Variants in EPHA10 observed in about 807,000 individuals in gnomAD.
EPHA10 encodes EPH receptor A10.
In EPHA10, 120 loss-of-function variants were observed where a neutral mutation model predicts 109.7. The observed-to-expected ratio is 1.09, with a 90% confidence interval of 0.94 to 1.27. The LOEUF (loss-of-function observed/expected upper bound fraction) is 1.27, where lower values mean the gene tolerates loss of function less well. EPHA10 is among the 50% of genes most tolerant of loss of function. The probability of loss-of-function intolerance (pLI) is 0.00; values close to 1 mark genes in which losing one functional copy is unlikely to be tolerated. For missense variants in EPHA10, 1,396 were observed against 1,411.1 expected, an observed-to-expected ratio of 0.99 and a Z score of 0.17; for synonymous variants, 640 against 618.9, an observed-to-expected ratio of 1.03 and a Z score of -0.51.
rs1646378736 is a variant in EPHA10 at position 37,754,685 on chromosome 1, G to A, written c.851-315C>T. On this transcript the variant is annotated intron_variant, in intron 3 of 16. Transcript: ENST00000373048. This position sits in a 1 kb window ranked among gnomAD's most constrained non-coding sequence, Gnocchi z 4.5. ...GAGCCCAGGAGTTGGAGACCAGCCTGGACAACATGGCCAAACCCCGTCTCT... is the reference window on the plus strand; with the variant it reads ...GAGCCCAGGAGTTGGAGACCAGCCTAGACAACATGGCCAAACCCCGTCTCT... Among the ~76,000 whole-genome samples, 1 of 152,140 alleles carries A rather than the reference G, an allele frequency of 6.6e-6. No homozygotes were observed. The highest frequency in any genetic ancestry group is 1.5e-5 in the Non-Finnish European group (1 of 68,030).
chr1:37,715,836 G>C (rs779988248), downstream of EPHA10: 2 of 507,924 alleles, frequency 3.9e-6, no homozygotes, highest in Non-Finnish European at 7.7e-6. Flanking sequence ...TTTCACGGCA[G>C]GAGCAGTGTT....
rs185384038 is a variant in EPHA10 at position 37,723,241 on chromosome 1, G to A, written c.1834+70C>T. 658 of 1,607,456 alleles carry A rather than the reference G, an allele frequency of 4.1e-4. 5 individuals are homozygous for A. The African/African-American group carries it at 7.3e-3, about 18-fold the overall frequency. On this transcript the variant is annotated intron_variant, in intron 9 of 16. Transcript: ENST00000373048. ...CTGACAAGCGGGCTCATGCAGTGTAGCAAGGCAGAGGGCTGAGGAGTGAGG... is the reference window on the plus strand; with the variant it reads ...CTGACAAGCGGGCTCATGCAGTGTAACAAGGCAGAGGGCTGAGGAGTGAGG...
chr1:37,720,086 G>A, intron 13 of EPHA10, 28 bp from the exon 14 acceptor site: 1 of 1,611,478 alleles, frequency 6.2e-7, no homozygotes, highest in Non-Finnish European at 8.5e-7. Context: ...TCAGGGGCAA[G>A]GAGGAACTGG....
rs1196872477 is a variant in EPHA10, at chr1:37,764,927, C to T, written c.106+34G>A. On this transcript the variant is annotated intron_variant, in intron 1 of 16. Transcript: ENST00000373048. This position sits in a 1 kb window ranked among gnomAD's most constrained non-coding sequence, Gnocchi z 5.8. Reference sequence around the variant, plus strand: ...CGCCAGCCCCCTATCTTTTGGTATGCCACGCTCCGAGCAGAGCTCACCAGT... The same window carrying T: ...CGCCAGCCCCCTATCTTTTGGTATGTCACGCTCCGAGCAGAGCTCACCAGT... 2.6e-6 allele frequency: 4 copies of T among 1,566,198 alleles called. No homozygotes were observed. The highest frequency in any genetic ancestry group is 3.5e-6 in the Non-Finnish European group (4 of 1,154,506).
chr1:37,752,074 C>G (rs2148363341), intron 5 of EPHA10, among the ~76,000 whole-genome samples: 1 of 152,188 alleles, frequency 6.6e-6, no homozygotes, highest in Middle Eastern at 3.4e-3. Flanking sequence ...GACAGGCCGA[C>G]CCTATAGGCT....
At chr1:37,726,352 T>C (rs1645891198) in intron 8 of EPHA10, among the ~76,000 whole-genome samples, 1 of 152,246 alleles carries the variant, frequency 6.6e-6, no homozygotes, top group Admixed American at 6.5e-5. Context: ...CAGTGCCTCA[T>C]TCAAGGCCAA....
chr1:37,728,073 T>A (rs1412730269), intron 7 of EPHA10, among the ~76,000 whole-genome samples: 4 of 151,930 alleles, frequency 2.6e-5, no homozygotes, highest in Admixed American at 2.0e-4. Flanking sequence ...CTAAAGCCAA[T>A]GAGGAAGGCT....
At position 37,765,027 on chromosome 1, in the gene EPHA10, G is replaced by A. The variant is rs139950312; in HGVS notation, c.40C>T (p.Leu14Phe). Reference sequence around the variant, plus strand: ...GCGAGACAGAGCTGCATCCGGCAGAGGAAGAGGCGCAGCGGGTGTGGACCG... The same window carrying A: ...GCGAGACAGAGCTGCATCCGGCAGAAGAAGAGGCGCAGCGGGTGTGGACCG... ...CAGPHPLRLF[L>F]CRMQLCLALL... Residue 14 changes from leucine to phenylalanine, a missense_variant, in exon 1 of 17, where the codon CTC becomes TTC. Transcript: ENST00000373048. 3.7e-6 allele frequency: 6 copies of A among 1,610,310 alleles called. No homozygotes were observed. The highest frequency in any genetic ancestry group is 1.3e-5 in the African/African-American group (1 of 75,050).
At position 37,735,278 on chromosome 1, in the gene EPHA10, G is replaced by T; in HGVS notation, c.1470C>A (p.Tyr490Ter). 6.4e-7 allele frequency: 1 copy of T among 1,564,654 alleles called. No individual in the cohort carries two copies. The highest frequency in any genetic ancestry group is 8.7e-7 in the Non-Finnish European group (1 of 1,154,644). The change falls in exon 6 of 17, where the codon TAC becomes TAA. Residue 490 changes from tyrosine to a stop codon, truncating the protein, a stop_gained. Coordinates refer to ENST00000373048, the MANE Select transcript of EPHA10 (RefSeq NM_001099439.2). LOFTEE classifies it high-confidence loss of function. Reference sequence around the variant, plus strand: ...TCACCTTCTCGTAGTATCGGATCTCGTACTCCGTGTCATTGGCCCCAGGGG... The same window carrying T: ...TCACCTTCTCGTAGTATCGGATCTCTTACTCCGTGTCATTGGCCCCAGGGG... ...AGAPGANDTEYEIRYYEKGQS... is the reference protein window; with the variant it reads ...AGAPGANDTE
Position 37,718,457 on chromosome 1 carries a change from G to T in EPHA10, c.2942C>A (p.Ala981Asp). 6.2e-7 allele frequency: 1 copy of T among 1,613,480 alleles called. No individual in the cohort carries two copies. Among genetic ancestry groups the T allele is most frequent in the Non-Finnish European group, 8.5e-7 (1 of 1,180,016 alleles). ...QDLVSLGISLAEHREALLSGI... is the reference protein window; with the variant it reads ...QDLVSLGISLDEHREALLSGI... ...GCTGAGGAGGGCCTCTCGATGTTCA[G>T]CCAAAGAGATGCCTAGGCTCACCAG... The change falls in exon 17 of 17, where the codon GCT (alanine) becomes GAT (aspartate). Residue 981 changes from alanine to aspartate, a missense_variant. Transcript: ENST00000373048.
At chr1:37,723,402 G>A (rs770506869) in intron 8 of EPHA10, 30 bp from the exon 9 acceptor site, 1 of 1,612,302 alleles carries the variant, frequency 6.2e-7, no homozygotes, top group Non-Finnish European at 8.5e-7. Context: ...CATTCTTTCA[G>A]CCAGGCCACC....
Position 37,717,201 on chromosome 1 carries a change from CG to C in EPHA10, c.*1170del. Reference sequence around the variant, plus strand: ...GGGCCCTTGTGGATAAGGAACTCCACGGTGGGCTCAGCACAACCACTTCTGC... The same window carrying C: ...GGGCCCTTGTGGATAAGGAACTCCACGTGGGCTCAGCACAACCACTTCTGC... On this transcript the variant is annotated 3_prime_UTR_variant, in exon 17 of 17. Coordinates refer to ENST00000373048, the MANE Select transcript of EPHA10 (RefSeq NM_001099439.2). The C allele has an allele frequency of 4.3e-6, 1 of 232,760 alleles. No individual in the cohort carries two copies. The highest frequency in any genetic ancestry group is 8.5e-6 in the Non-Finnish European group (1 of 117,746). The allele number at this position is 232,760 out of a possible 1,614,324, so 14.4% of individuals were successfully genotyped here. A position where few individuals can be genotyped will look rare whatever the true frequency, so the allele number is the denominator to read the frequency against.
At chr1:37,760,418 C>G (rs1276591226) in intron 3 of EPHA10, 1 of 1,055,740 alleles carries the variant, frequency 9.5e-7, no homozygotes. Context: ...CCAGCAAAAC[C>G]CTCAACATGA....
chr1:37,751,312 T>C (rs2148361770), intron 5 of EPHA10, among the ~76,000 whole-genome samples: 1 of 151,328 alleles, frequency 6.6e-6, no homozygotes, highest in South Asian at 2.1e-4. Flanking sequence ...CTCATGCCTG[T>C]AATCCCAGCA....
chr1:37,719,777 G>C, intron 14 of EPHA10, 132 bp downstream of exon 14: 2 of 1,512,220 alleles, frequency 1.3e-6, no homozygotes, highest in South Asian at 2.4e-5. Flanking sequence ...TGGCCAGGCA[G>C]AACCAGAAGC....
chr1:37,719,401 T>C lies in EPHA10; in HGVS notation c.2756+13A>G, dbSNP rs777340871. 6.2e-7 allele frequency: 1 copy of C among 1,608,060 alleles called. No individual in the cohort carries two copies. Among genetic ancestry groups the C allele is most frequent in the East Asian group, 2.2e-5 (1 of 44,654 alleles). On this transcript the variant is annotated intron_variant, in intron 15 of 16. Coordinates refer to ENST00000373048, the MANE Select transcript of EPHA10 (RefSeq NM_001099439.2). ...GACAGGTGAGAGGCTGGCTGTCCCA[T>C]GTGGGAACGTACCTGGGACAGGTAG...
At chr1:37,719,711 CAT>C (rs1038552817) in intron 14 of EPHA10, 104 bp from the exon 15 acceptor site, 55 of 1,415,096 alleles carry the variant, frequency 3.9e-5, no homozygotes, top group Middle Eastern at 2.4e-4. Flanking sequence ...CACACACACA[CAT>C]GCGCACACAC....
intron 3 of EPHA10, among the ~76,000 whole-genome samples, chr1:37,760,105 TTCCTCCCCTG>T (rs1010856997): frequency 1.3e-5 from 2 of 152,238 alleles, no homozygotes; most frequent in Non-Finnish European, 2.9e-5. Flanking sequence ...ATTTAGTCAC[TTCCTCCCCTG>T]TCCTCCCACC....
chr1:37,714,504 C>T (rs1003291408), downstream of EPHA10, among the ~76,000 whole-genome samples: 2 of 152,204 alleles, frequency 1.3e-5, no homozygotes, highest in African/African-American at 2.4e-5. Flanking sequence ...CCCCAATCCT[C>T]TCATCTGGCT....
Sources: allele counts gnomAD v4.1 joint callset (sites outside exome capture counted in the v4.1 genomes callset), GRCh38; gene constraint gnomAD v4.1.1; non-coding constraint Gnocchi (gnomAD v3.1); transcripts MANE v1.5; gene names NCBI Gene and HGNC (gene_info 2026-07-23, HGNC 2026-07-21).